The following SLIT3 variants were observed in gnomAD, a reference collection of about 807,000 sequenced individuals.
The protein encoded by SLIT3 is slit guidance ligand 3.
A neutral mutation model predicts 184.0 loss-of-function variants in SLIT3; 68 were observed. The observed-to-expected ratio is 0.37, with a 90% CI of 0.30 to 0.45. The LOEUF is 0.45. Among genes scored for constraint, SLIT3 ranks in the 20% least tolerant of loss-of-function variants. The pLI is 1.00. For missense variants in SLIT3, 1,707 were observed against 2,026.0 expected (o/e 0.84, Z 3.02); for synonymous variants, 831 against 828.6 (o/e 1.00, Z -0.05).
At chr5:169,047,757 C>T (rs1757674954) in intron 4 of SLIT3, among the ~76,000 whole-genome samples, 1 of 152,040 alleles carries the variant, frequency 6.6e-6, no homozygotes, top group Non-Finnish European at 1.5e-5. Flanking sequence ...GATACTTGTT[C>T]CCCTCACTTC....
chr5:168,856,113 A>C (rs772383746), intron 5 of SLIT3, among the ~76,000 whole-genome samples: 45 of 152,206 alleles, frequency 3.0e-4, no homozygotes, highest in Non-Finnish European at 5.6e-4. Flanking sequence ...CATCTTACAA[A>C]AGAAAAAAAA....
At chr5:168,797,490 A>G (rs1203811211) in intron 9 of SLIT3, among the ~76,000 whole-genome samples, 1 of 152,230 alleles carries the variant, frequency 6.6e-6, no homozygotes, top group Non-Finnish European at 1.5e-5. Context: ...AAGTCAGGCT[A>G]GCACTGGGTG....
At chr5:168,759,763 A>C (rs115812929) in intron 16 of SLIT3, among the ~76,000 whole-genome samples, 1,536 of 152,312 alleles carry the variant, frequency 0.01, 22 homozygotes, top group African/African-American at 0.035. Context: ...GGACTTACAC[A>C]AATGTCAGTG....
intron 4 of SLIT3, among the ~76,000 whole-genome samples, chr5:168,974,474 T>G (rs58604907): frequency 0.039 from 5,903 of 152,238 alleles, 150 homozygotes; most frequent in Middle Eastern, 0.058. Flanking sequence ...TTCTAGAGAT[T>G]TAAGGGTGAC....
At chr5:168,996,382 A>G (rs1041606262) in intron 4 of SLIT3, among the ~76,000 whole-genome samples, 4 of 152,140 alleles carry the variant, frequency 2.6e-5, no homozygotes, top group African/African-American at 9.7e-5. Context: ...TTTTCAGTGG[A>G]TGGGGGAAGG....
chr5:168,933,249 A>G (rs998916130), intron 4 of SLIT3, among the ~76,000 whole-genome samples: 7 of 152,202 alleles, frequency 4.6e-5, no homozygotes, highest in African/African-American at 1.7e-4. Context: ...TAATTCTTAA[A>G]ACAGCCAGAG....
chr5:168,951,830 G>C (rs1305578793), intron 4 of SLIT3, among the ~76,000 whole-genome samples: 1 of 152,144 alleles, frequency 6.6e-6, no homozygotes, highest in Non-Finnish European at 1.5e-5. Flanking sequence ...CATGAAGAGA[G>C]ACCTCTGCCA....
At chr5:168,939,548 A>G (rs1407153287) in intron 4 of SLIT3, among the ~76,000 whole-genome samples, 2 of 152,242 alleles carry the variant, frequency 1.3e-5, no homozygotes, top group Non-Finnish European at 2.9e-5. Flanking sequence ...AAAACCAAGC[A>G]TTGTAAACAC....
At chr5:169,108,918 T>C (rs1450459221) in intron 4 of SLIT3, among the ~76,000 whole-genome samples, 1 of 152,172 alleles carries the variant, frequency 6.6e-6, no homozygotes, top group Non-Finnish European at 1.5e-5. Flanking sequence ...ATCCACATGC[T>C]CTTTCAGGCC....
chr5:168,745,185 A>G (rs531565771), intron 20 of SLIT3, among the ~76,000 whole-genome samples: 1 of 152,356 alleles, frequency 6.6e-6, no homozygotes, highest in South Asian at 2.1e-4. Context: ...AGTGAGAACT[A>G]GAATTAGAAG....
intron 4 of SLIT3, chr5:169,012,731 T>C (rs1000968110): frequency 6.6e-6 from 1 of 152,080 alleles, no homozygotes; most frequent in Non-Finnish European, 1.5e-5. Context: ...GGAAAATGCC[T>C]TTAGGAAGGT....
intron 34 of SLIT3, among the ~76,000 whole-genome samples, chr5:168,670,947 T>C (rs1761219575): frequency 6.6e-6 from 1 of 152,208 alleles, no homozygotes; most frequent in South Asian, 2.1e-4. Context: ...CTGGACAGGT[T>C]CTAAAGGCCA....
At chr5:169,284,645 A>G (rs978430039) in intron 1 of SLIT3, among the ~76,000 whole-genome samples, 2 of 152,200 alleles carry the variant, frequency 1.3e-5, no homozygotes, top group African/African-American at 4.8e-5. Context: ...TGAGACCCAA[A>G]GAGATGAAGG....
chr5:169,300,966 G>C lies in SLIT3; in HGVS notation c.-257C>G. 1 of 186,106 alleles carries C rather than the reference G, an allele frequency of 5.4e-6. No individual in the cohort carries two copies. Among genetic ancestry groups the C allele is most frequent in the Non-Finnish European group, 1.1e-5 (1 of 91,322 alleles). The allele number at this position is 186,106 out of a possible 1,614,324, so 11.5% of individuals were successfully genotyped here. On this transcript the variant is annotated 5_prime_UTR_variant, in exon 1 of 36. Coordinates refer to ENST00000519560, the MANE Select transcript of SLIT3 (RefSeq NM_003062.4). This position sits in a 1 kb window ranked among gnomAD's most constrained non-coding sequence, Gnocchi z 4.1. ...CGCATCGCTGGGAGTGCCCAGGTGC[G>C]GAGCGCCCCCTGGCCCCGCTGGCCC...
Position 168,664,701 on chromosome 5 carries a change from A to T in SLIT3, c.*1753T>A, listed in dbSNP as rs1009124892. 3 of 152,238 alleles carry T rather than the reference A, an allele frequency of 2.0e-5. No homozygotes were observed. The highest frequency in any genetic ancestry group is 4.4e-5 in the Non-Finnish European group (3 of 68,114). The allele number at this position is 152,238 out of a possible 1,614,324, so 9.4% of individuals were successfully genotyped here. A position where few individuals can be genotyped will look rare whatever the true frequency, so the allele number is the denominator to read the frequency against. On this transcript the variant is annotated 3_prime_UTR_variant, in exon 36 of 36. Coordinates refer to ENST00000519560, the MANE Select transcript of SLIT3 (RefSeq NM_003062.4). ...CTTCTCCCTGAAACTCCTACAGTGG[A>T]AGCTCCTGGGGGAAGGAGGGATGGA...
At chr5:169,049,683 A>G (rs1485792439) in intron 4 of SLIT3, among the ~76,000 whole-genome samples, 1 of 152,194 alleles carries the variant, frequency 6.6e-6, no homozygotes, top group Non-Finnish European at 1.5e-5. Context: ...TTGTCTGAAG[A>G]TCTATTGTAG....
At chr5:168,724,006 T>C (rs1338523574) in intron 21 of SLIT3, among the ~76,000 whole-genome samples, 1 of 152,188 alleles carries the variant, frequency 6.6e-6, no homozygotes, top group Non-Finnish European at 1.5e-5. Flanking sequence ...CTGGGGTAAG[T>C]ATTACTGGCA....
At chr5:168,700,974 G>A (rs755951916) in intron 26 of SLIT3, among the ~76,000 whole-genome samples, 6 of 152,328 alleles carry the variant, frequency 3.9e-5, no homozygotes, top group Middle Eastern at 3.4e-3. Flanking sequence ...AAGAGCCCAG[G>A]CTATGGATTC....
chr5:169,049,585 GA>G (rs1484331916), intron 4 of SLIT3, among the ~76,000 whole-genome samples: 2 of 152,168 alleles, frequency 1.3e-5, no homozygotes, highest in African/African-American at 2.4e-5. Flanking sequence ...AAATAGTCAG[GA>G]ACAGAACATC....
Sources: allele counts gnomAD v4.1 joint callset (sites outside exome capture counted in the v4.1 genomes callset), GRCh38; gene constraint gnomAD v4.1.1; non-coding constraint Gnocchi (gnomAD v3.1); transcripts MANE v1.5; gene names NCBI Gene and HGNC (gene_info 2026-07-23, HGNC 2026-07-21).